The following GABRR3 variants were observed in gnomAD, a reference collection of about 807,000 sequenced individuals.
The protein encoded by GABRR3 is gamma-aminobutyric acid receptor subunit rho-3.
In GABRR3, 29 loss-of-function variants were observed where a neutral mutation model predicts 43.2. That is an observed-to-expected ratio of 0.67 (90% CI 0.50 to 0.92). GABRR3 has a LOEUF of 0.92. Among genes scored for constraint, GABRR3 ranks in the 40% least tolerant of loss-of-function variants. GABRR3 has a pLI of 0.00. For missense variants in GABRR3, 576 were observed against 572.3 expected (o/e 1.01, Z -0.07); for synonymous variants, 206 against 195.9 (o/e 1.05, Z -0.43).
intron 3 of GABRR3, among the ~76,000 whole-genome samples, chr3:98,025,057 A>T (rs1362196941): frequency 6.6e-6 from 1 of 152,172 alleles, no homozygotes; most frequent in Non-Finnish European, 1.5e-5. Flanking sequence ...ATTTCATAGG[A>T]TCACTGTGAG....
downstream of GABRR3, among the ~76,000 whole-genome samples, chr3:97,985,905 C>T (rs745904100): frequency 4.6e-5 from 7 of 151,814 alleles, no homozygotes; most frequent in African/African-American, 7.3e-5. Context: ...CTCGCTCTGT[C>T]GCCCAGGCTA....
At chr3:97,994,006 G>C (rs1576036048) in intron 8 of GABRR3, among the ~76,000 whole-genome samples, 1 of 152,212 alleles carries the variant, frequency 6.6e-6, no homozygotes, top group Non-Finnish European at 1.5e-5. Context: ...GTACCACCTG[G>C]AGAGAAAGTA....
At chr3:97,997,096 G>A (rs772328913) in intron 8 of GABRR3, among the ~76,000 whole-genome samples, 3 of 152,144 alleles carry the variant, frequency 2.0e-5, no homozygotes, top group Non-Finnish European at 2.9e-5. Flanking sequence ...CAAAAGATAA[G>A]CCACTCCTGT....
At chr3:98,023,567 T>C (rs1706977836) in intron 3 of GABRR3, among the ~76,000 whole-genome samples, 1 of 152,142 alleles carries the variant, frequency 6.6e-6, no homozygotes. Flanking sequence ...GTAGAACCTA[T>C]TATATAAACT....
intron 3 of GABRR3, among the ~76,000 whole-genome samples, chr3:98,018,677 A>G (rs1706902464): frequency 6.6e-6 from 1 of 152,204 alleles, no homozygotes; most frequent in African/African-American, 2.4e-5. Flanking sequence ...AGTCTTTTAT[A>G]TGTTCTCTTT....
At chr3:97,990,063 G>T (rs1156513334) in intron 9 of GABRR3, among the ~76,000 whole-genome samples, 4 of 152,022 alleles carry the variant, frequency 2.6e-5, no homozygotes, top group Admixed American at 6.6e-5. Context: ...TTCTTCCAAG[G>T]CATCTCATCC....
intron 7 of GABRR3, among the ~76,000 whole-genome samples, chr3:98,007,366 G>T (rs1471060653): frequency 6.6e-6 from 1 of 152,120 alleles, no homozygotes; most frequent in Non-Finnish European, 1.5e-5. Flanking sequence ...GAGAGTAGCA[G>T]GTGGTGAGGG....
chr3:98,000,174 C>T (rs1706621419), intron 8 of GABRR3: 1 of 152,050 alleles, frequency 6.6e-6, no homozygotes, highest in Non-Finnish European at 1.5e-5. Context: ...ATAGCAATTT[C>T]CTAACCCTAA....
chr3:98,014,932 T>C (rs1011503968), intron 4 of GABRR3, among the ~76,000 whole-genome samples: 1 of 152,204 alleles, frequency 6.6e-6, no homozygotes, highest in African/African-American at 2.4e-5. Context: ...AATTTTAAAT[T>C]TTAACACTCT....
At chr3:98,022,287 C>T (rs1706957982) in intron 3 of GABRR3, among the ~76,000 whole-genome samples, 2 of 151,976 alleles carry the variant, frequency 1.3e-5, no homozygotes, top group African/African-American at 4.8e-5. Context: ...CAAAAAGCTC[C>T]CCTAAATTTA....
chr3:97,993,072 G>T, intron 8 of GABRR3, 24 bp from the exon 9 acceptor site: 1 of 1,555,434 alleles, frequency 6.4e-7, no homozygotes, highest in South Asian at 1.2e-5. Flanking sequence ...ATAGTGGCAA[G>T]CTCAGTGATA....
At chr3:98,002,936 G>A (rs1331503349) in intron 7 of GABRR3, among the ~76,000 whole-genome samples, 1 of 151,932 alleles carries the variant, frequency 6.6e-6, no homozygotes, top group African/African-American at 2.4e-5. Context: ...AAATACACCT[G>A]GCCAACCCAC....
At chr3:97,993,119 C>A in intron 8 of GABRR3, 71 bp from the exon 9 acceptor site, 4 of 1,225,788 alleles carry the variant, frequency 3.3e-6, no homozygotes, top group Non-Finnish European at 4.5e-6. Context: ...CTGAATCACA[C>A]CAGGGGATGC....
At chr3:98,027,256 G>T (rs933153403) in intron 2 of GABRR3, among the ~76,000 whole-genome samples, 9 of 152,148 alleles carry the variant, frequency 5.9e-5, no homozygotes, top group African/African-American at 2.2e-4. Flanking sequence ...TGGGCCCTAT[G>T]CCTAGAGCTT....
At chr3:98,009,774 C>T (rs1706765297) in intron 5 of GABRR3, among the ~76,000 whole-genome samples, 1 of 152,198 alleles carries the variant, frequency 6.6e-6, no homozygotes, top group East Asian at 1.9e-4. Context: ...ATGCTCCTAC[C>T]TGTGGTGCCC....
intron 2 of GABRR3, among the ~76,000 whole-genome samples, chr3:98,034,247 A>C (rs918702230): frequency 3.9e-5 from 6 of 152,122 alleles, no homozygotes; most frequent in Non-Finnish European, 8.8e-5. Flanking sequence ...AAAACCTATA[A>C]AGCCCTAGGC....
At position 98,027,986 on chromosome 3, in the gene GABRR3, A is replaced by C. The variant is rs149193265; in HGVS notation, c.126-2307T>G. 4.2e-3 allele frequency among the ~76,000 whole-genome samples: 636 copies of C among 152,200 alleles called. 6 individuals carry two copies. The highest frequency in any genetic ancestry group is 0.015 in the African/African-American group (603 of 41,560). On this transcript the variant is annotated intron_variant, in intron 2 of 9. Coordinates refer to ENST00000621172, the Ensembl canonical transcript of GABRR3. ...ATCTCCATTTTATTTACTTCATATA[A>C]TTTTATCACTCCATCATGTACCTTT...
chr3:98,014,826 C>A lies in GABRR3; in HGVS notation c.307-2259G>T, dbSNP rs1706853994. Among the ~76,000 whole-genome samples the A allele has an allele frequency of 3.3e-5, 5 of 152,078 alleles. No homozygotes were observed. The South Asian group carries it at 1.0e-3, about 32-fold the overall frequency. ...TTTAGTGATTGATATTTTCTAGGTCCCTCCCTCAACAGATCCCTGTTTGTT... is the reference window on the plus strand; with the variant it reads ...TTTAGTGATTGATATTTTCTAGGTCACTCCCTCAACAGATCCCTGTTTGTT... On this transcript the variant is annotated intron_variant, in intron 4 of 9. Coordinates refer to ENST00000621172, the Ensembl canonical transcript of GABRR3.
rs1004793925 is a variant in GABRR3, at chr3:98,012,618, G to T, written c.307-51C>A. 1.8e-5 allele frequency: 23 copies of T among 1,285,018 alleles called. No individual in the cohort carries two copies. In the African/African-American group the frequency reaches 2.6e-4, roughly 15 times the overall value. 79.6% of individuals were successfully genotyped at this position (1,285,018 alleles called of 1,614,324 possible). ...AAAAACCAGTAGGAATATGGTTCAG[G>T]ATGACCACTCAACACTGTTAGTCCC... On this transcript the variant is annotated intron_variant, in intron 4 of 9. Coordinates refer to ENST00000621172, the Ensembl canonical transcript of GABRR3.
Sources: allele counts gnomAD v4.1 joint callset (sites outside exome capture counted in the v4.1 genomes callset), GRCh38; gene constraint gnomAD v4.1.1; transcripts MANE v1.5; gene names NCBI Gene and HGNC (gene_info 2026-07-23, HGNC 2026-07-21).